Variants in ATP9A observed in about 807,000 individuals in gnomAD.
ATP9A encodes probable phospholipid-transporting ATPase IIA.
In ATP9A, 52 loss-of-function variants were observed where a neutral mutation model predicts 144.1. The ratio of observed to expected loss-of-function variants is 0.36; its 90% CI spans 0.29 to 0.45. ATP9A has a LOEUF of 0.45. Ranked by LOEUF, ATP9A falls within the 20% of genes least tolerant of loss-of-function variation. The pLI is 1.00. For missense variants in ATP9A, 947 were observed against 1,392.7 expected, an observed-to-expected ratio of 0.68 and a Z score of 5.09; for synonymous variants, 582 against 557.4, an observed-to-expected ratio of 1.04 and a Z score of -0.62.
chr20:51,623,538 T>C (rs565779330), intron 18 of ATP9A, among the ~76,000 whole-genome samples: 3 of 152,162 alleles, frequency 2.0e-5, no homozygotes, highest in Admixed American at 6.5e-5. Flanking sequence ...CCCAACACTT[T>C]GGGAGGCCGA....
At chr20:51,677,490 G>A (rs577714328) in intron 9 of ATP9A, among the ~76,000 whole-genome samples, 23 of 152,258 alleles carry the variant, frequency 1.5e-4, no homozygotes, top group African/African-American at 4.8e-4. Flanking sequence ...TGGTCTACGG[G>A]GCCCAGCGGC....
At chr20:51,659,798 C>G (rs1359484020) in intron 13 of ATP9A, among the ~76,000 whole-genome samples, 1 of 152,162 alleles carries the variant, frequency 6.6e-6, no homozygotes, top group Non-Finnish European at 1.5e-5. Context: ...TAGCATTAGA[C>G]TCCTCAGGTA....
At chr20:51,691,553 A>T (rs2077548540) in intron 7 of ATP9A, among the ~76,000 whole-genome samples, 1 of 152,236 alleles carries the variant, frequency 6.6e-6, no homozygotes, top group South Asian at 2.1e-4. Flanking sequence ...GAAAAAAGTA[A>T]GAACGCCTCC....
chr20:51,696,882 A>AC (rs1201592219), intron 5 of ATP9A, among the ~76,000 whole-genome samples: 2 of 152,154 alleles, frequency 1.3e-5, no homozygotes, highest in Non-Finnish European at 2.9e-5. Flanking sequence ...TTCCAAATAT[A>AC]CACACTAGAA....
rs201710152 is a variant in ATP9A, at chr20:51,693,510, TG to T, written c.642+497del. Among the ~76,000 whole-genome samples, 1,102 of 151,930 alleles carry T rather than the reference TG, an allele frequency of 7.3e-3. 13 individuals carry two copies. The highest frequency in any genetic ancestry group is 0.025 in the African/African-American group (1,042 of 41,428). The stretch of plus-strand genomic sequence containing the variant: ...GTAAGATGAGAAATCTTTGGAGGGT[TG>T]TTTTTTTTTTATTTTATGGTTATTA... On this transcript the variant is annotated intron_variant, in intron 7 of 27. Coordinates refer to ENST00000338821, the MANE Select transcript of ATP9A (RefSeq NM_006045.3).
Position 51,632,801 on chromosome 20 carries a change from C to T in ATP9A, c.1669-3729G>A, listed in dbSNP as rs117185733. On this transcript the variant is annotated intron_variant, in intron 15 of 27. Transcript: ENST00000338821. ...TTAAAGACAACCTCACCAAGATGGA[C>T]ATTCACAGCACTATTTTTAGTAGTC... Among the ~76,000 whole-genome samples the T allele has an allele frequency of 6.0e-3, 906 of 152,244 alleles. 6 individuals carry two copies. The highest frequency in any genetic ancestry group is 8.0e-3 in the Non-Finnish European group (545 of 68,008).
At chr20:51,676,441 G>A (rs1301752073) in intron 9 of ATP9A, among the ~76,000 whole-genome samples, 1 of 151,868 alleles carries the variant, frequency 6.6e-6, no homozygotes, top group African/African-American at 2.4e-5. Flanking sequence ...CTCAATAACT[G>A]GGATTATAGG....
intron 12 of ATP9A, among the ~76,000 whole-genome samples, chr20:51,670,453 C>T (rs1244261091): frequency 6.6e-6 from 1 of 152,088 alleles, no homozygotes; most frequent in African/African-American, 2.4e-5. Context: ...GGATTCTGAC[C>T]CTTGAGTAGA....
intron 20 of ATP9A, 67 bp downstream of exon 20, chr20:51,618,887 C>T (rs2077214522): frequency 1.3e-6 from 2 of 1,595,824 alleles, no homozygotes; most frequent in African/African-American, 1.3e-5. Flanking sequence ...GCCTGCAGTG[C>T]CCCTGCCGAA....
intron 3 of ATP9A, among the ~76,000 whole-genome samples, chr20:51,714,406 G>A (rs541361564): frequency 7.9e-5 from 12 of 151,910 alleles, no homozygotes; most frequent in Admixed American, 7.9e-4. Flanking sequence ...CATTGTTACA[G>A]AGTCTCACTC....
intron 1 of ATP9A, among the ~76,000 whole-genome samples, chr20:51,754,530 A>G (rs926176893): frequency 6.6e-6 from 1 of 152,254 alleles, no homozygotes; most frequent in East Asian, 1.9e-4. Context: ...TAAATTTCTT[A>G]GGTCAGGCAT....
chr20:51,747,420 G>A (rs1350407711), intron 1 of ATP9A, among the ~76,000 whole-genome samples: 2 of 152,084 alleles, frequency 1.3e-5, no homozygotes, highest in Admixed American at 1.3e-4. Context: ...AATGACAAAG[G>A]CACCCCCTGT....
At chr20:51,602,950 G>A (rs1363275796) in intron 27 of ATP9A, among the ~76,000 whole-genome samples, 9 of 152,154 alleles carry the variant, frequency 5.9e-5, no homozygotes, top group Admixed American at 5.9e-4. Flanking sequence ...TTGTTCCCCA[G>A]GCGGTGGGGT....
In ATP9A at chr20:51,712,963, G is replaced by A; in HGVS notation, c.436+3C>T. On this transcript the variant is annotated splice_donor_region_variant and intron_variant, in intron 4 of 27. Transcript: ENST00000338821. ...CCTGTGGCCCAGGAGCCAGAAGGCT[G>A]ACCTCGTGCTGTGAGCCGGCTGTAG... The A allele has an allele frequency of 6.2e-7, 1 of 1,605,734 alleles. No homozygotes were observed. The highest frequency in any genetic ancestry group is 2.3e-5 in the East Asian group (1 of 44,424).
chr20:51,647,475 C>T (rs1176959493), intron 14 of ATP9A, among the ~76,000 whole-genome samples: 2 of 152,222 alleles, frequency 1.3e-5, no homozygotes, highest in East Asian at 3.9e-4. Flanking sequence ...CCCTTAAACC[C>T]GGGAGGCGGA....
intron 1 of ATP9A, among the ~76,000 whole-genome samples, chr20:51,762,681 T>G (rs2077886106): frequency 6.8e-6 from 1 of 147,934 alleles, no homozygotes. Context: ...ACAAAAAGAT[T>G]TAAGGTGATA....
rs16996124 is a variant in ATP9A at position 51,617,892 on chromosome 20, C to T, written c.2351-338G>A. Among the ~76,000 whole-genome samples, 489 of 152,310 alleles carry T rather than the reference C, an allele frequency of 3.2e-3. 10 individuals carry two copies. Among genetic ancestry groups the T allele is most frequent in the African/African-American group, 0.011 (465 of 41,574 alleles). ...AGCAACTTGTAGTGCTCTTACTGGA[C>T]GCTTTCCATGCAGCGTGGCAAGCAC... On this transcript the variant is annotated intron_variant, in intron 21 of 27. Coordinates refer to ENST00000338821, the MANE Select transcript of ATP9A (RefSeq NM_006045.3).
intron 13 of ATP9A, among the ~76,000 whole-genome samples, chr20:51,657,957 G>A (rs1697265534): frequency 6.6e-6 from 1 of 152,182 alleles, no homozygotes; most frequent in African/African-American, 2.4e-5. Context: ...GCATACAACT[G>A]GCCTTCTCCA....
chr20:51,651,363 T>TATATATTATATA (rs2077365619), intron 14 of ATP9A, among the ~76,000 whole-genome samples: 6 of 138,808 alleles, frequency 4.3e-5, no homozygotes, highest in East Asian at 3.9e-4. Context: ...ATATTTACAT[T>TATATATTATATA]ATATATATTT....
Sources: allele counts gnomAD v4.1 joint callset (sites outside exome capture counted in the v4.1 genomes callset), GRCh38; gene constraint gnomAD v4.1.1; transcripts MANE v1.5; gene names NCBI Gene and HGNC (gene_info 2026-07-23, HGNC 2026-07-21).